Variants in NDRG1 observed in about 807,000 individuals in gnomAD.
NDRG1 encodes N-myc downstream regulated 1.
NDRG1 carries 32 observed loss-of-function variants against 56.9 expected under a neutral mutation model. The ratio of observed to expected loss-of-function variants is 0.56; its 90% CI spans 0.42 to 0.76. NDRG1 has a LOEUF of 0.76. Ranked by LOEUF, NDRG1 falls within the 30% of genes least tolerant of loss-of-function variation. NDRG1 has a pLI of 0.00. For missense variants in NDRG1, 507 were observed against 545.7 expected (o/e 0.93, Z 0.71); for synonymous variants, 211 against 204.1 (o/e 1.03, Z -0.29).
intron 12 of NDRG1, 35 bp from the exon 13 acceptor site, chr8:133,246,698 C>A (rs1206083613): frequency 6.2e-7 from 1 of 1,610,624 alleles, no homozygotes; most frequent in Non-Finnish European, 8.5e-7. Flanking sequence ...TAATTTTCTA[C>A]GTGAAGCCAA....
In NDRG1 at chr8:133,238,261, G is replaced by C. The variant is rs1855168663; in HGVS notation, c.*617C>G. On this transcript the variant is annotated 3_prime_UTR_variant, in exon 16 of 16. Transcript: ENST00000323851. ...TTGCTTCTGCATTCAAAGCTTTCTA[G>C]ATGCACCAACTTTAAAAATCGGTTT... 4.3e-6 allele frequency: 1 copy of C among 232,600 alleles called. No individual in the cohort carries two copies. Among genetic ancestry groups the C allele is most frequent in the Non-Finnish European group, 8.5e-6 (1 of 117,748 alleles). The allele number at this position is 232,600 out of a possible 1,614,324, so 14.4% of individuals were successfully genotyped here.
At chr8:133,247,651 G>A (rs1025517508) in intron 12 of NDRG1, among the ~76,000 whole-genome samples, 32 of 152,226 alleles carry the variant, frequency 2.1e-4, no homozygotes, top group Admixed American at 2.0e-4. Context: ...GCGGGTGAGG[G>A]GACCTGGGAG....
chr8:133,244,556 C>T (rs1855562683), intron 13 of NDRG1, 166 bp from the exon 14 acceptor site: 1 of 766,814 alleles, frequency 1.3e-6, no homozygotes, highest in South Asian at 1.5e-5. Flanking sequence ...ACTCCAGCCC[C>T]ACCAGGCAAG....
chr8:133,241,438 G>C (rs1259458090), intron 15 of NDRG1: 7 of 165,902 alleles, frequency 4.2e-5, no homozygotes, highest in African/African-American at 1.7e-4. Flanking sequence ...ACTTGACTAT[G>C]GCATGCTCCA....
chr8:133,265,515 G>A (rs1856873616), intron 3 of NDRG1, among the ~76,000 whole-genome samples: 1 of 152,124 alleles, frequency 6.6e-6, no homozygotes, highest in African/African-American at 2.4e-5. Flanking sequence ...GATTCTGAAT[G>A]ATACCATGCC....
intron 3 of NDRG1, among the ~76,000 whole-genome samples, chr8:133,276,066 G>GA (rs1230227941): frequency 1.3e-5 from 2 of 152,206 alleles, no homozygotes; most frequent in African/African-American, 4.8e-5. Flanking sequence ...GACCTCATAG[G>GA]ACAGCTTGGG....
chr8:133,243,318 A>C (rs1339372845), intron 14 of NDRG1, among the ~76,000 whole-genome samples: 1 of 152,184 alleles, frequency 6.6e-6, no homozygotes, highest in African/African-American at 2.4e-5. Context: ...TGGTGGAGAG[A>C]ACCAAGAATA....
chr8:133,262,544 C>T (rs1856711440), intron 4 of NDRG1, among the ~76,000 whole-genome samples: 1 of 152,066 alleles, frequency 6.6e-6, no homozygotes, highest in African/African-American at 2.4e-5. Flanking sequence ...TATACCCTCC[C>T]ATCTGGGGTA....
intron 3 of NDRG1, among the ~76,000 whole-genome samples, chr8:133,276,603 G>A (rs1857468355): frequency 1.3e-5 from 2 of 152,170 alleles, no homozygotes; most frequent in African/African-American, 2.4e-5. Flanking sequence ...TAAAGAGCAA[G>A]AGATCTCATG....
intron 9 of NDRG1, 26 bp from the exon 10 acceptor site, chr8:133,250,569 G>C (rs1564284327): frequency 1.9e-6 from 3 of 1,588,948 alleles, no homozygotes; most frequent in Non-Finnish European, 2.6e-6. Flanking sequence ...TGAGAAGATG[G>C]TCCTCATCGC....
Position 133,238,648 on chromosome 8 carries a change from T to G in NDRG1, c.*230A>C, listed in dbSNP as rs1855195030. 2 of 592,572 alleles carry G rather than the reference T, an allele frequency of 3.4e-6. No homozygotes were observed. The allele number at this position is 592,572 out of a possible 1,614,324, so 36.7% of individuals were successfully genotyped here. A position where few individuals can be genotyped will look rare whatever the true frequency, so the allele number is the denominator to read the frequency against. ...CCGGCCACTGGTTAATGGAAGAGGA[T>G]GCGATGCGGAGATGCTTGCTTCCTT... is the stretch of plus-strand genomic sequence containing the variant. On this transcript the variant is annotated 3_prime_UTR_variant, in exon 16 of 16. Transcript: ENST00000323851.
intron 5 of NDRG1, 88 bp downstream of exon 5, chr8:133,261,959 A>G: frequency 3.4e-6 from 5 of 1,481,688 alleles, no homozygotes; most frequent in Non-Finnish European, 4.5e-6. Context: ...ACCACAGTTA[A>G]AAAGTATTTA....
chr8:133,259,186 C>T lies in NDRG1; in HGVS notation c.371G>A (p.Gly124Glu), dbSNP rs762369479. The T allele has an allele frequency of 6.2e-7, 1 of 1,614,206 alleles. No homozygotes were observed. Among genetic ancestry groups the T allele is most frequent in the Admixed American group, 1.7e-5 (1 of 60,028 alleles). Residue 124 changes from glycine to glutamate, a missense_variant, in exon 6 of 16, where the codon GGA becomes GAA. Transcript: ENST00000323851. ...CTCTTACCCAAACTGTTGAAGGACT[C>T]CAGGAAGCATTTCAGCCAGCTGATC... ...SMDQLAEMLP[G>E]VLQQFGLKSI...
chr8:133,261,057 C>G (rs1049126991), intron 5 of NDRG1, among the ~76,000 whole-genome samples: 4 of 152,184 alleles, frequency 2.6e-5, no homozygotes, highest in Admixed American at 2.0e-4. Context: ...AGAGGATACA[C>G]GTCTCAGTAG....
chr8:133,244,480 C>T, intron 13 of NDRG1, 90 bp from the exon 14 acceptor site: 2 of 1,463,558 alleles, frequency 1.4e-6, no homozygotes, highest in Non-Finnish European at 9.5e-7. Context: ...GCCCATCCGC[C>T]CGCTGCCCTG....
At chr8:133,288,708 T>C (rs1026966258) in intron 1 of NDRG1, among the ~76,000 whole-genome samples, 3 of 152,198 alleles carry the variant, frequency 2.0e-5, no homozygotes, top group Non-Finnish European at 4.4e-5. Flanking sequence ...ACACACAGCA[T>C]GGCGGGGGAA....
At chr8:133,241,991 G>T (rs781454335) in intron 15 of NDRG1, 32 bp downstream of exon 15, 30 of 1,613,372 alleles carry the variant, frequency 1.9e-5, no homozygotes, top group Non-Finnish European at 2.4e-5. Context: ...CACATGCCCC[G>T]ACCCACTGCA....
At chr8:133,296,544 C>T in intron 1 of NDRG1, 1 of 456,184 alleles carries the variant, frequency 2.2e-6, no homozygotes, top group Non-Finnish European at 4.4e-6. Context: ...ACTGAAGCGC[C>T]ACCAGCCTCT....
intron 15 of NDRG1, chr8:133,240,586 C>T (rs984415693): frequency 6.6e-6 from 1 of 152,176 alleles, no homozygotes; most frequent in African/African-American, 2.4e-5. Context: ...AGCCAGCACC[C>T]CGTGGTGTGC....
Sources: gnomAD v4.1 joint callset for allele counts (sites outside exome capture counted in the v4.1 genomes callset) on GRCh38, gnomAD v4.1.1 for gene constraint, MANE v1.5 for transcripts, NCBI Gene and HGNC (gene_info 2026-07-23, HGNC 2026-07-21) for gene names.